Variants in KCNQ5 observed in about 807,000 individuals in gnomAD.
KCNQ5 encodes the protein potassium voltage-gated channel subfamily Q member 5, also known as potassium voltage-gated channel subfamily KQT member 5.
In KCNQ5, 30 loss-of-function variants were observed where a neutral mutation model predicts 98.2. That is an observed-to-expected ratio of 0.31 (90% CI 0.23 to 0.41). The LOEUF is 0.41. Among genes scored for constraint, KCNQ5 ranks in the 10% least tolerant of loss-of-function variants. KCNQ5 has a pLI of 1.00. For synonymous variants in KCNQ5, 458 were observed against 449.4 expected (o/e 1.02, Z -0.24); for missense variants, 835 against 1,182.5 (o/e 0.71, Z 4.31).
chr6:73,178,756 A>G (rs1354750100), intron 11 of KCNQ5, among the ~76,000 whole-genome samples: 1 of 152,196 alleles, frequency 6.6e-6, no homozygotes, highest in African/African-American at 2.4e-5. Flanking sequence ...GAGTAGAGGA[A>G]TCTTAGATAT....
intron 1 of KCNQ5, among the ~76,000 whole-genome samples, chr6:72,732,871 A>G (rs1162644815): frequency 1.3e-5 from 2 of 152,168 alleles, no homozygotes; most frequent in African/African-American, 4.8e-5. Context: ...GAAAGAAACT[A>G]CAGTATTTGG....
At chr6:72,782,346 C>T (rs968663987) in intron 1 of KCNQ5, among the ~76,000 whole-genome samples, 3 of 152,120 alleles carry the variant, frequency 2.0e-5, no homozygotes, top group African/African-American at 7.2e-5. Flanking sequence ...AGCATCTTCT[C>T]CACACCCTAT....
intron 1 of KCNQ5, among the ~76,000 whole-genome samples, chr6:72,805,985 G>T (rs990613062): frequency 2.0e-5 from 3 of 152,036 alleles, no homozygotes; most frequent in Non-Finnish European, 4.4e-5. Context: ...GCATATAAAA[G>T]TGCTTCATAG....
chr6:72,956,770 G>T (rs1582086168), intron 1 of KCNQ5, among the ~76,000 whole-genome samples: 1 of 151,736 alleles, frequency 6.6e-6, no homozygotes, highest in African/African-American at 2.4e-5. Flanking sequence ...TTAAAACTGA[G>T]ATACTCTTGT....
intron 1 of KCNQ5, among the ~76,000 whole-genome samples, chr6:72,850,770 T>G (rs1777220543): frequency 6.6e-6 from 1 of 152,186 alleles, no homozygotes; most frequent in Non-Finnish European, 1.5e-5. Flanking sequence ...TGGTGTGTGC[T>G]TTATTAATAT....
At position 72,954,531 on chromosome 6, in the gene KCNQ5, C is replaced by CTGTGTG. The variant is rs3068309; in HGVS notation, c.399-49349_399-49344dup. ...TCTCGGAAGATCTTTCAAGACTTTT[C>CTGTGTG]TGTGTGTGTGTGTGTGTGTGTGTGT... On this transcript the variant is annotated intron_variant, in intron 1 of 13. Transcript: ENST00000370398. Among the ~76,000 whole-genome samples, 1,239 of 150,544 alleles carry CTGTGTG rather than the reference C, an allele frequency of 8.2e-3. 17 individuals carry two copies. Among genetic ancestry groups the CTGTGTG allele is most frequent in the African/African-American group, 0.022 (905 of 40,974 alleles).
intron 1 of KCNQ5, among the ~76,000 whole-genome samples, chr6:72,774,780 A>G (rs529756185): frequency 7.2e-5 from 11 of 152,318 alleles, no homozygotes; most frequent in Admixed American, 5.2e-4. Context: ...TAAAATGTCA[A>G]TGACATACTT....
At chr6:72,785,684 C>T (rs978517901) in intron 1 of KCNQ5, among the ~76,000 whole-genome samples, 1 of 151,444 alleles carries the variant, frequency 6.6e-6, no homozygotes, top group Non-Finnish European at 1.5e-5. Context: ...AAACACAAAA[C>T]AAAACAAACA....
At chr6:72,881,073 T>C (rs954591882) in intron 1 of KCNQ5, among the ~76,000 whole-genome samples, 2 of 152,218 alleles carry the variant, frequency 1.3e-5, no homozygotes. Context: ...TAATGAGTGA[T>C]TGTCACTACA....
At chr6:72,836,350 G>T (rs963371575) in intron 1 of KCNQ5, among the ~76,000 whole-genome samples, 2 of 152,106 alleles carry the variant, frequency 1.3e-5, no homozygotes, top group African/African-American at 4.8e-5. Flanking sequence ...ATGATTATGT[G>T]ACCCTCAGAT....
intron 3 of KCNQ5, among the ~76,000 whole-genome samples, chr6:73,059,082 T>C (rs1772659452): frequency 6.6e-6 from 1 of 152,232 alleles, no homozygotes; most frequent in African/African-American, 2.4e-5. Context: ...CAAAGGAATG[T>C]AACTCATTCT....
intron 1 of KCNQ5, among the ~76,000 whole-genome samples, chr6:72,644,762 C>A (rs1204409120): frequency 6.6e-6 from 1 of 152,198 alleles, no homozygotes; most frequent in East Asian, 1.9e-4. Context: ...ATCCCGTAGT[C>A]CTTCTTATTC....
intron 11 of KCNQ5, among the ~76,000 whole-genome samples, chr6:73,181,499 T>TGA (rs1778403893): frequency 2.6e-5 from 4 of 152,248 alleles, no homozygotes; most frequent in African/African-American, 9.6e-5. Context: ...CTTTCTCTTC[T>TGA]AAGGTAATCC....
chr6:72,667,763 G>A (rs1417461618), intron 1 of KCNQ5, among the ~76,000 whole-genome samples: 2 of 152,176 alleles, frequency 1.3e-5, no homozygotes, highest in Admixed American at 6.5e-5. Context: ...AGGGCATATT[G>A]AAATGATGTA....
At chr6:72,648,775 T>G (rs1323222077) in intron 1 of KCNQ5, among the ~76,000 whole-genome samples, 2 of 124,070 alleles carry the variant, frequency 1.6e-5, no homozygotes, top group African/African-American at 7.0e-5. Flanking sequence ...TGGGCCTTCA[T>G]TTTTTTTTTT....
chr6:72,889,993 G>C (rs931318724), intron 1 of KCNQ5, among the ~76,000 whole-genome samples: 3 of 152,158 alleles, frequency 2.0e-5, no homozygotes, highest in Non-Finnish European at 2.9e-5. Flanking sequence ...AATGGTGCTT[G>C]GAAGGTGCCC....
chr6:73,090,840 G>A (rs1774215705), intron 5 of KCNQ5, among the ~76,000 whole-genome samples: 1 of 152,202 alleles, frequency 6.6e-6, no homozygotes, highest in African/African-American at 2.4e-5. Flanking sequence ...TGGAGAGGAT[G>A]TGGAGAAATA....
intron 1 of KCNQ5, among the ~76,000 whole-genome samples, chr6:72,635,223 T>C (rs1292488699): frequency 6.6e-6 from 1 of 151,866 alleles, no homozygotes; most frequent in Non-Finnish European, 1.5e-5. Context: ...AGAGACAGGG[T>C]CTCACTATGT....
chr6:73,154,636 G>A (rs1777282625), intron 10 of KCNQ5, among the ~76,000 whole-genome samples: 1 of 151,962 alleles, frequency 6.6e-6, no homozygotes, highest in Non-Finnish European at 1.5e-5. Flanking sequence ...AATTTAAAGT[G>A]GGCTTACAGA....
Sources: allele counts gnomAD v4.1 joint callset (sites outside exome capture counted in the v4.1 genomes callset), GRCh38; gene constraint gnomAD v4.1.1; transcripts MANE v1.5; gene names NCBI Gene and HGNC (gene_info 2026-07-23, HGNC 2026-07-21).